Variants in CWF19L2 observed in about 807,000 individuals in gnomAD.
CWF19L2 encodes the protein CWF19-like protein 2.
A neutral mutation model predicts 111.7 loss-of-function variants in CWF19L2; 98 were observed. That is an observed-to-expected ratio of 0.88 (90% CI 0.75 to 1.04). The LOEUF is 1.04. Among genes scored for constraint, CWF19L2 ranks in the 50% least tolerant of loss-of-function variants. CWF19L2 has a pLI of 0.00. For synonymous variants in CWF19L2, 351 were observed against 342.9 expected (o/e 1.02, Z -0.26); for missense variants, 1,101 against 1,051.4 (o/e 1.05, Z -0.65).
chr11:107,426,013 C>T (rs549011146), intron 8 of CWF19L2, among the ~76,000 whole-genome samples: 61 of 151,674 alleles, frequency 4.0e-4, no homozygotes, highest in Middle Eastern at 3.4e-3. Context: ...TGGCAGTGGA[C>T]GTTTTTCTGC....
intron 1 of CWF19L2, 95 bp downstream of exon 1, chr11:107,457,617 C>T (rs1861873907): frequency 1.1e-6 from 1 of 871,074 alleles, no homozygotes; most frequent in South Asian, 1.5e-5. Flanking sequence ...AGATTCAGTA[C>T]TGACGAGGTA....
chr11:107,328,994 A>C (rs1285343921), intron 17 of CWF19L2, among the ~76,000 whole-genome samples: 3 of 152,202 alleles, frequency 2.0e-5, no homozygotes, highest in Non-Finnish European at 4.4e-5. Context: ...ATTCCTCTTC[A>C]GATATTTCTA....
intron 13 of CWF19L2, among the ~76,000 whole-genome samples, chr11:107,352,238 TG>T (rs1417623198): frequency 1.3e-5 from 2 of 151,704 alleles, no homozygotes; most frequent in Non-Finnish European, 1.5e-5. Context: ...AAGCCTTCCT[TG>T]ATAACTCCAC....
At chr11:107,405,025 C>T (rs1861057408) in intron 10 of CWF19L2, among the ~76,000 whole-genome samples, 1 of 152,214 alleles carries the variant, frequency 6.6e-6, no homozygotes, top group African/African-American at 2.4e-5. Context: ...TGTCAACAAC[C>T]TATGGGCCAC....
intron 7 of CWF19L2, among the ~76,000 whole-genome samples, chr11:107,430,712 TG>T (rs1861453785): frequency 6.6e-6 from 1 of 152,086 alleles, no homozygotes; most frequent in African/African-American, 2.4e-5. Context: ...AGGTGGTTAC[TG>T]GAAGGAGAGG....
At chr11:107,454,699 A>G in intron 2 of CWF19L2, 127 bp from the exon 3 acceptor site, 1 of 492,950 alleles carries the variant, frequency 2.0e-6, no homozygotes, top group South Asian at 8.4e-5. Flanking sequence ...TAAGACCAAG[A>G]ATATGTCTAA....
intron 12 of CWF19L2, among the ~76,000 whole-genome samples, chr11:107,354,820 C>A (rs183331909): frequency 3.3e-4 from 51 of 152,304 alleles, no homozygotes; most frequent in African/African-American, 1.2e-3. Context: ...TCCTGACAGG[C>A]TGTCTCATCA....
intron 16 of CWF19L2, among the ~76,000 whole-genome samples, chr11:107,334,594 C>T (rs1435803954): frequency 2.0e-5 from 3 of 152,226 alleles, no homozygotes; most frequent in Non-Finnish European, 4.4e-5. Context: ...AAGCTCACCA[C>T]AGCAGTTCTC....
intron 3 of CWF19L2, among the ~76,000 whole-genome samples, chr11:107,446,580 CAA>C (rs1861705079): frequency 6.6e-6 from 1 of 152,268 alleles, no homozygotes; most frequent in East Asian, 1.9e-4. Flanking sequence ...AAATCTACTA[CAA>C]AATCATATTA....
intron 3 of CWF19L2, among the ~76,000 whole-genome samples, chr11:107,448,438 G>T: frequency 6.6e-6 from 1 of 150,844 alleles, no homozygotes; most frequent in East Asian, 1.9e-4. Flanking sequence ...AAGGAAAAAG[G>T]CTAGAAAGTA....
intron 8 of CWF19L2, among the ~76,000 whole-genome samples, chr11:107,423,730 T>C (rs1861334470): frequency 6.6e-6 from 1 of 151,878 alleles, no homozygotes; most frequent in Admixed American, 6.6e-5. Flanking sequence ...AGTCCACACA[T>C]AATCTCCTAT....
intron 11 of CWF19L2, among the ~76,000 whole-genome samples, 172 bp from the exon 12 acceptor site, chr11:107,390,383 G>A (rs1174628635): frequency 2.0e-5 from 3 of 152,044 alleles, no homozygotes; most frequent in Non-Finnish European, 4.4e-5. Flanking sequence ...ACTTCCATTA[G>A]AATTACACTC....
chr11:107,450,355 A>T (rs1265744020), intron 3 of CWF19L2, among the ~76,000 whole-genome samples: 1 of 152,120 alleles, frequency 6.6e-6, no homozygotes, highest in Non-Finnish European at 1.5e-5. Context: ...TAACCAAAAA[A>T]ACCTAATAAA....
intron 10 of CWF19L2, among the ~76,000 whole-genome samples, chr11:107,414,563 C>A (rs1861199958): frequency 6.6e-6 from 1 of 152,194 alleles, no homozygotes; most frequent in Non-Finnish European, 1.5e-5. Context: ...TCCCAACCAT[C>A]CAACTGCCTA....
At chr11:107,333,174 A>G (rs540921372) in intron 16 of CWF19L2, among the ~76,000 whole-genome samples, 3 of 152,300 alleles carry the variant, frequency 2.0e-5, no homozygotes, top group Admixed American at 2.0e-4. Context: ...CTCAGATACA[A>G]TACTATGTGA....
chr11:107,380,928 T>G lies in CWF19L2; in HGVS notation c.1872+9146A>C, dbSNP rs78240581. On this transcript the variant is annotated intron_variant, in intron 12 of 17. Coordinates refer to ENST00000282251, the MANE Select transcript of CWF19L2 (RefSeq NM_152434.3). ...GAAACATGCTAAATACTTGCAAAAC[T>G]TGAAAACATTATGTTAAGCGAAATA... 9.2e-3 allele frequency among the ~76,000 whole-genome samples: 1,398 copies of G among 152,244 alleles called. 20 individuals are homozygous for G. Among genetic ancestry groups the G allele is most frequent in the African/African-American group, 0.032 (1,330 of 41,526 alleles).
chr11:107,436,425 A>G (rs1305249528), intron 6 of CWF19L2, among the ~76,000 whole-genome samples: 4 of 152,200 alleles, frequency 2.6e-5, no homozygotes, highest in Non-Finnish European at 5.9e-5. Context: ...AATCTGGGCT[A>G]TATTACCCAA....
chr11:107,396,326 T>A (rs752335365), intron 10 of CWF19L2, among the ~76,000 whole-genome samples: 2 of 152,230 alleles, frequency 1.3e-5, no homozygotes, highest in Non-Finnish European at 2.9e-5. Context: ...AATTACAGTT[T>A]GCTCTGGAGG....
chr11:107,430,171 A>C (rs75665344), intron 7 of CWF19L2, among the ~76,000 whole-genome samples: 2 of 151,710 alleles, frequency 1.3e-5, no homozygotes, highest in African/African-American at 4.8e-5. Flanking sequence ...GAAGAAAAAC[A>C]CAGAAAAAAA....
Sources: gnomAD v4.1 joint callset for allele counts (sites outside exome capture counted in the v4.1 genomes callset) on GRCh38, gnomAD v4.1.1 for gene constraint, MANE v1.5 for transcripts, NCBI Gene and HGNC (gene_info 2026-07-23, HGNC 2026-07-21) for gene names.